The following MAML3 variants were observed in gnomAD, a reference collection of about 807,000 sequenced individuals.
MAML3 encodes the protein mastermind-like protein 3.
A neutral mutation model predicts 101.9 loss-of-function variants in MAML3; 27 were observed. The ratio of observed to expected loss-of-function variants is 0.27; its 90% CI spans 0.20 to 0.37. The LOEUF is 0.37. Ranked by LOEUF, MAML3 falls within the 10% of genes least tolerant of loss-of-function variation. MAML3 has a pLI of 1.00. For missense variants in MAML3, 1,316 were observed against 1,444.9 expected (o/e 0.91, Z 1.45); for synonymous variants, 501 against 555.9 (o/e 0.90, Z 1.39).
rs1402399722 is a variant in MAML3, at chr4:139,725,099, A to T, written c.2416+652T>A. Among the ~76,000 whole-genome samples the T allele has an allele frequency of 3.3e-5, 5 of 152,126 alleles. No individual in the cohort carries two copies. In the East Asian group the frequency reaches 9.6e-4, roughly 29 times the overall value. On this transcript the variant is annotated intron_variant, in intron 4 of 4. Coordinates refer to ENST00000509479, the MANE Select transcript of MAML3 (RefSeq NM_018717.5). Reference sequence around the variant, plus strand: ...TAGAGATGGAAGGGTTTGATATTTGAACGGGCCTTCCACATTTATAAAGGA... The same window carrying T: ...TAGAGATGGAAGGGTTTGATATTTGTACGGGCCTTCCACATTTATAAAGGA...
At chr4:139,812,249 A>G (rs2111113414) in intron 2 of MAML3, among the ~76,000 whole-genome samples, 1 of 152,344 alleles carries the variant, frequency 6.6e-6, no homozygotes, top group Admixed American at 6.5e-5. Context: ...TCTGTCTCAA[A>G]AAAAAGAAAA....
chr4:139,809,612 A>G (rs1730758639), intron 2 of MAML3, among the ~76,000 whole-genome samples: 1 of 152,208 alleles, frequency 6.6e-6, no homozygotes, highest in Non-Finnish European at 1.5e-5. Flanking sequence ...GAAACAGTCC[A>G]TCGTAAGTAC....
chr4:140,153,558 A>C lies in MAML3; in HGVS notation c.-231T>G, dbSNP rs1729217816. ...AGCTCAAGGGGAAGAAAAGGGGGGA[A>C]CGTTATCGGAATACCATCAGACACC... On this transcript the variant is annotated 5_prime_UTR_variant, in exon 1 of 5. Coordinates refer to ENST00000509479, the MANE Select transcript of MAML3 (RefSeq NM_018717.5). The C allele has an allele frequency of 2.6e-5, 13 of 508,602 alleles. No individual in the cohort carries two copies. In the South Asian group the frequency reaches 4.2e-4, roughly 16 times the overall value. 31.5% of individuals were successfully genotyped at this position (508,602 alleles called of 1,614,324 possible).
rs79112856 is a variant in MAML3 at position 139,954,562 on chromosome 4, G to A, written c.469-63595C>T. 9.5e-4 allele frequency among the ~76,000 whole-genome samples: 145 copies of A among 152,324 alleles called. 2 individuals are homozygous for A. In the East Asian group the frequency reaches 0.025, roughly 26 times the overall value. On this transcript the variant is annotated intron_variant, in intron 1 of 4. Coordinates refer to ENST00000509479, the MANE Select transcript of MAML3 (RefSeq NM_018717.5). ...GCCATAAGGGAAGCCCTGCATTAAG[G>A]TGAGTCCAGAGGCTGGAGCCAAGGC...
chr4:140,083,600 T>C (rs1393461033), intron 1 of MAML3, among the ~76,000 whole-genome samples: 1 of 152,216 alleles, frequency 6.6e-6, no homozygotes, highest in African/African-American at 2.4e-5. Context: ...CATGCAGGTC[T>C]GCCTGTCAAA....
chr4:139,926,177 A>G (rs750734312), intron 1 of MAML3, among the ~76,000 whole-genome samples: 10 of 152,206 alleles, frequency 6.6e-5, no homozygotes, highest in Non-Finnish European at 1.3e-4. Context: ...TCAGACCCAT[A>G]TATCTACAAA....
intron 1 of MAML3, among the ~76,000 whole-genome samples, chr4:140,151,328 G>A (rs1448011372): frequency 1.3e-5 from 2 of 151,998 alleles, no homozygotes; most frequent in African/African-American, 4.8e-5. Flanking sequence ...GAACTGGGAG[G>A]AGGGAAGGAT....
chr4:140,023,530 C>T (rs935164284), intron 1 of MAML3, among the ~76,000 whole-genome samples: 1 of 152,182 alleles, frequency 6.6e-6, no homozygotes, highest in Non-Finnish European at 1.5e-5. Flanking sequence ...ATTGCAAAGG[C>T]TATTTGTCAG....
At chr4:139,853,988 A>AT (rs1445703051) in intron 2 of MAML3, among the ~76,000 whole-genome samples, 2 of 151,314 alleles carry the variant, frequency 1.3e-5, no homozygotes, top group African/African-American at 4.9e-5. Flanking sequence ...TGCCCAGCTA[A>AT]TTTTTTTGTA....
chr4:139,886,314 T>C (rs1732338204), intron 2 of MAML3, among the ~76,000 whole-genome samples: 1 of 152,178 alleles, frequency 6.6e-6, no homozygotes, highest in Non-Finnish European at 1.5e-5. Flanking sequence ...TAAACTTTTT[T>C]AAGTAGGGAG....
intron 1 of MAML3, among the ~76,000 whole-genome samples, chr4:139,944,121 C>T (rs1200764467): frequency 4.6e-5 from 7 of 151,908 alleles, no homozygotes; most frequent in East Asian, 1.9e-4. Context: ...CCACCTGCCT[C>T]GGCCTCCCAA....
chr4:139,952,287 G>C (rs1320375717), intron 1 of MAML3, among the ~76,000 whole-genome samples: 5 of 152,190 alleles, frequency 3.3e-5, no homozygotes, highest in Non-Finnish European at 7.3e-5. Context: ...AGATAATAGG[G>C]AAGTTATTTA....
intron 1 of MAML3, among the ~76,000 whole-genome samples, chr4:139,912,490 G>A (rs138832512): frequency 9.8e-5 from 15 of 152,286 alleles, no homozygotes; most frequent in African/African-American, 3.4e-4. Context: ...GTTAAATTGC[G>A]TCCTCCCCAG....
chr4:139,917,140 C>T (rs1733043783), intron 1 of MAML3, among the ~76,000 whole-genome samples: 1 of 152,166 alleles, frequency 6.6e-6, no homozygotes, highest in African/African-American at 2.4e-5. Context: ...GCCCATGACT[C>T]TCCAAAAGTT....
chr4:140,082,372 AGACACACT>A (rs1727872541), intron 1 of MAML3, among the ~76,000 whole-genome samples: 1 of 152,198 alleles, frequency 6.6e-6, no homozygotes, highest in African/African-American at 2.4e-5. Context: ...CAAACCACAC[AGACACACT>A]GGCCAAAGCA....
chr4:139,871,574 T>C (rs574055833), intron 2 of MAML3, among the ~76,000 whole-genome samples: 25 of 152,308 alleles, frequency 1.6e-4, no homozygotes, highest in African/African-American at 5.5e-4. Flanking sequence ...TTGATCGAGA[T>C]AGTACTCTCC....
intron 1 of MAML3, among the ~76,000 whole-genome samples, chr4:140,092,075 CGTATATATATACGTATAT>C (rs1728062805): frequency 3.2e-5 from 2 of 61,658 alleles, no homozygotes; most frequent in East Asian, 3.5e-4. Flanking sequence ...TATATATATA[CGTATATATATACGTATAT>C]ATATATATAC....
chr4:139,748,075 AAG>A (rs1729384857), intron 2 of MAML3, among the ~76,000 whole-genome samples: 2 of 150,898 alleles, frequency 1.3e-5, no homozygotes, highest in Non-Finnish European at 1.5e-5. Context: ...AAAAAAAAAA[AAG>A]AATGCACATA....
chr4:139,790,482 C>T (rs960450170), intron 2 of MAML3, among the ~76,000 whole-genome samples: 9 of 151,744 alleles, frequency 5.9e-5, no homozygotes, highest in Non-Finnish European at 7.4e-5. Flanking sequence ...AACATCACCG[C>T]TATCCATTTC....
Sources: allele counts gnomAD v4.1 joint callset (sites outside exome capture counted in the v4.1 genomes callset), GRCh38; gene constraint gnomAD v4.1.1; transcripts MANE v1.5; gene names NCBI Gene and HGNC (gene_info 2026-07-23, HGNC 2026-07-21).